Variants in BARX2 observed in about 807,000 individuals in gnomAD.
BARX2 encodes the protein BARX homeobox 2.
BARX2 carries 11 observed loss-of-function variants against 25.5 expected under a neutral mutation model. That is an observed-to-expected ratio of 0.43 (90% confidence interval 0.27 to 0.71). The LOEUF (loss-of-function observed/expected upper bound fraction) is 0.71. BARX2 is among the 30% of genes least tolerant of loss of function. The pLI is 0.19. For synonymous variants in BARX2, 137 were observed against 149.5 expected (o/e 0.92, Z 0.61); for missense variants, 360 against 359.9 (o/e 1.00, Z 0.00).
rs542991545 is a variant in BARX2, at chr11:129,411,871, G to A, written c.188-24880G>A. 2.0e-5 allele frequency among the ~76,000 whole-genome samples: 3 copies of A among 152,352 alleles called. No individual in the cohort carries two copies. The East Asian group carries it at 5.8e-4, about 29-fold the overall frequency. On this transcript the variant is annotated intron_variant, in intron 1 of 3. Transcript: ENST00000281437. ...TCATAGGAATGGCGCCTCTCTGGAAGAGCATCAGATAGAAAATAGGACTCC... is the reference window on the plus strand; with the variant it reads ...TCATAGGAATGGCGCCTCTCTGGAAAAGCATCAGATAGAAAATAGGACTCC...
At chr11:129,416,944 C>T (rs1233020156) in intron 1 of BARX2, among the ~76,000 whole-genome samples, 3 of 151,482 alleles carry the variant, frequency 2.0e-5, no homozygotes, top group Non-Finnish European at 4.4e-5. Flanking sequence ...CTGTGTCACC[C>T]AGGCTGGAGT....
intron 1 of BARX2, among the ~76,000 whole-genome samples, chr11:129,388,307 G>A (rs891166681): frequency 7.2e-5 from 11 of 152,036 alleles, no homozygotes; most frequent in Non-Finnish European, 1.3e-4. Context: ...GGGGTTTTGC[G>A]GGGAAGGGAG....
chr11:129,436,938 G>A lies in BARX2; in HGVS notation c.375G>A (p.Gln125=), dbSNP rs757859099. The A allele has an allele frequency of 1.9e-6, 3 of 1,613,406 alleles. No individual in the cohort carries two copies. The highest frequency in any genetic ancestry group is 2.5e-6 in the Non-Finnish European group (3 of 1,179,544). ...CCAGCAGCGAGTCAGAGACGGAACAGCCCACGCCCCGACAGAAGAAGCCCC... is the reference window on the plus strand; with the variant it reads ...CCAGCAGCGAGTCAGAGACGGAACAACCCACGCCCCGACAGAAGAAGCCCC... The part of the protein sequence containing the change: ...ALASSESETE[Q]PTPRQKKPRR... The change falls in exon 2 of 4, where the codon CAG becomes CAA. Residue 125 remains glutamine, a synonymous_variant. Coordinates refer to ENST00000281437, the MANE Select transcript of BARX2 (RefSeq NM_003658.5). The surrounding 1 kb of genome is among the most constrained non-coding windows in gnomAD (Gnocchi z 4.5).
intron 1 of BARX2, among the ~76,000 whole-genome samples, chr11:129,388,853 T>C (rs1244414552): frequency 6.6e-6 from 1 of 152,198 alleles, no homozygotes; most frequent in Non-Finnish European, 1.5e-5. Context: ...AATCCTACTG[T>C]TGGGGTTTTG....
chr11:129,415,122 A>G (rs900123447), intron 1 of BARX2, among the ~76,000 whole-genome samples: 3 of 152,200 alleles, frequency 2.0e-5, no homozygotes, highest in Admixed American at 6.5e-5. Context: ...TAAACTTTAC[A>G]AGCAAGAGTG....
At chr11:129,407,338 A>G (rs1044604874) in intron 1 of BARX2, among the ~76,000 whole-genome samples, 1 of 152,234 alleles carries the variant, frequency 6.6e-6, no homozygotes, top group Non-Finnish European at 1.5e-5. Flanking sequence ...AAGTTGAAGA[A>G]GACACAGCTT....
chr11:129,428,503 A>G (rs538322274), intron 1 of BARX2, among the ~76,000 whole-genome samples: 2 of 152,176 alleles, frequency 1.3e-5, no homozygotes, highest in South Asian at 4.1e-4. Flanking sequence ...CAAGAGTAGG[A>G]AATGTTGGAA....
In BARX2 at chr11:129,376,333, T is replaced by G; in HGVS notation, c.187+111T>G. The stretch of plus-strand genomic sequence containing the variant: ...AGGAAGGGTTAAGTTAAGGGATTCT[T>G]TTCCTGCGCCTCAGCAAGCGGTGGG... On this transcript the variant is annotated intron_variant, in intron 1 of 3. Coordinates refer to ENST00000281437, the MANE Select transcript of BARX2 (RefSeq NM_003658.5). This position sits in a 1 kb window ranked among gnomAD's most constrained non-coding sequence, Gnocchi z 4.2. 9.0e-7 allele frequency: 1 copy of G among 1,110,190 alleles called. No individual in the cohort carries two copies. The highest frequency in any genetic ancestry group is 1.3e-6 in the Non-Finnish European group (1 of 795,012). The allele number at this position is 1,110,190 out of a possible 1,614,324, so 68.8% of individuals were successfully genotyped here.
chr11:129,376,281 G>T lies in BARX2; in HGVS notation c.187+59G>T. 1 of 1,472,958 alleles carries T rather than the reference G, an allele frequency of 6.8e-7. No individual in the cohort carries two copies. The highest frequency in any genetic ancestry group is 1.3e-5 in the South Asian group (1 of 78,264). The allele number at this position is 1,472,958 out of a possible 1,614,324, so 91.2% of individuals were successfully genotyped here. On this transcript the variant is annotated intron_variant, in intron 1 of 3. Transcript: ENST00000281437. This position sits in a 1 kb window ranked among gnomAD's most constrained non-coding sequence, Gnocchi z 4.2. The stretch of plus-strand genomic sequence containing the variant: ...GGTAGCTTTCACGTCCGTGTAGGTG[G>T]CCTGTGCTTTGCGATCCGAGGGCGA...
chr11:129,433,537 T>C (rs972853965), intron 1 of BARX2, among the ~76,000 whole-genome samples: 2 of 152,208 alleles, frequency 1.3e-5, no homozygotes, highest in Middle Eastern at 3.2e-3. Context: ...AACAGATCTC[T>C]TCCCAGTTTT....
At chr11:129,398,937 G>A (rs183989645) in intron 1 of BARX2, among the ~76,000 whole-genome samples, 4 of 152,268 alleles carry the variant, frequency 2.6e-5, no homozygotes, top group African/African-American at 9.6e-5. Context: ...ACTGTGTTTT[G>A]TTCCTTTATA....
Position 129,376,208 on chromosome 11 carries a change from T to C in BARX2, c.173T>C (p.Leu58Pro). 6.2e-7 allele frequency: 1 copy of C among 1,605,948 alleles called. No homozygotes were observed. The highest frequency in any genetic ancestry group is 8.5e-7 in the Non-Finnish European group (1 of 1,176,234). Residue 58 changes from leucine to proline, a missense_variant, in exon 1 of 4, where the codon CTG becomes CCG. By Grantham distance (98) the Leu-to-Pro change is moderately conservative. Transcript: ENST00000281437. This position sits in a 1 kb window ranked among gnomAD's most constrained non-coding sequence, Gnocchi z 4.2. Reference sequence around the variant, plus strand: ...TCGCTGGTCGTGCGACCCAAGCCCCTGCATTCCTGTACGGGTAAGACGCTC... The same window carrying C: ...TCGCTGGTCGTGCGACCCAAGCCCCCGCATTCCTGTACGGGTAAGACGCTC... ...CPSLVVRPKP[L>P]HSCTGSPSLR...
chr11:129,375,967 C>G lies in BARX2; in HGVS notation c.-69C>G. ...GGCCCAGGCCCCGCCGTCGCGCCAG[C>G]CCCGCGGCCCCAGCGGGCCGGGCAC... On this transcript the variant is annotated 5_prime_UTR_variant, in exon 1 of 4. Coordinates refer to ENST00000281437, the MANE Select transcript of BARX2 (RefSeq NM_003658.5). The surrounding 1 kb of genome is among the most constrained non-coding windows in gnomAD (Gnocchi z 4.0). 1.0e-6 allele frequency: 1 copy of G among 982,030 alleles called. No individual in the cohort carries two copies. Among genetic ancestry groups the G allele is most frequent in the Non-Finnish European group, 1.2e-6 (1 of 813,756 alleles). 60.8% of individuals were successfully genotyped at this position (982,030 alleles called of 1,614,324 possible). A position where few individuals can be genotyped will look rare whatever the true frequency, so the allele number is the denominator to read the frequency against.
chr11:129,407,007 C>G (rs558986564), intron 1 of BARX2, among the ~76,000 whole-genome samples: 7 of 152,182 alleles, frequency 4.6e-5, no homozygotes, highest in Non-Finnish European at 1.0e-4. Context: ...TATCCTACTA[C>G]GGGAAGGATA....
At chr11:129,431,167 C>T (rs151109841) in intron 1 of BARX2, among the ~76,000 whole-genome samples, 67 of 152,250 alleles carry the variant, frequency 4.4e-4, no homozygotes, top group African/African-American at 1.6e-3. Context: ...AGTAGTATTT[C>T]GTTGTGTGTC....
At chr11:129,382,493 T>G (rs1861576887) in intron 1 of BARX2, among the ~76,000 whole-genome samples, 1 of 152,176 alleles carries the variant, frequency 6.6e-6, no homozygotes, top group Admixed American at 6.5e-5. Context: ...CCTCTTAATT[T>G]GTACTGAGCT....
At chr11:129,442,723 T>A in intron 2 of BARX2, 112 bp from the exon 3 acceptor site, 1 of 917,490 alleles carries the variant, frequency 1.1e-6, no homozygotes, top group Non-Finnish European at 1.8e-6. Flanking sequence ...ATGGGGGAGG[T>A]CCGAGCCTTG....
At chr11:129,448,731 A>G (rs754243385) in intron 3 of BARX2, among the ~76,000 whole-genome samples, 1 of 152,216 alleles carries the variant, frequency 6.6e-6, no homozygotes, top group East Asian at 1.9e-4. Context: ...AGAGTTGCCA[A>G]ATGATCCAGC....
chr11:129,413,002 C>T (rs1253113593), intron 1 of BARX2, among the ~76,000 whole-genome samples: 2 of 152,098 alleles, frequency 1.3e-5, no homozygotes, highest in African/African-American at 2.4e-5. Flanking sequence ...TGGAAACTTA[C>T]GTGCAGTGGG....
Sources: allele counts gnomAD v4.1 joint callset (sites outside exome capture counted in the v4.1 genomes callset), GRCh38; gene constraint gnomAD v4.1.1; non-coding constraint Gnocchi (gnomAD v3.1); transcripts MANE v1.5; gene names NCBI Gene and HGNC (gene_info 2026-07-23, HGNC 2026-07-21).